CSMD1: variants seen among roughly 807,000 people sequenced by gnomAD.
The protein encoded by CSMD1 is CUB and sushi domain-containing protein 1.
Under a neutral mutation model 417.5 loss-of-function variants are expected in CSMD1, and 213 were observed. The observed-to-expected ratio is 0.51, with a 90% CI of 0.46 to 0.57. The LOEUF (loss-of-function observed/expected upper bound fraction) is 0.57, where lower values mean the gene tolerates loss of function less well. Among genes scored for constraint, CSMD1 ranks in the 20% least tolerant of loss-of-function variants. The pLI, the probability that CSMD1 is intolerant of heterozygous loss-of-function variation, is 0.00. For synonymous variants in CSMD1, 2,862 were observed against 1,736.8 expected (o/e 1.65, Z -16.11); for missense variants, 6,923 against 4,529.7 (o/e 1.53, Z -15.17).
chr8:4,255,145 G>C (rs548171751), intron 3 of CSMD1, among the ~76,000 whole-genome samples: 15 of 152,282 alleles, frequency 9.9e-5, no homozygotes, highest in African/African-American at 3.4e-4. Flanking sequence ...AGCATTAAAA[G>C]AGATGATACA....
intron 4 of CSMD1, among the ~76,000 whole-genome samples, chr8:4,005,794 T>G (rs1816064415): frequency 6.6e-6 from 1 of 152,202 alleles, no homozygotes; most frequent in Admixed American, 6.5e-5. Flanking sequence ...AGTGTCAGAA[T>G]CTCATTTGCA....
chr8:4,295,437 TATATAATCTTATTATACAC>T (rs1473672058), intron 3 of CSMD1, among the ~76,000 whole-genome samples: 56 of 144,204 alleles, frequency 3.9e-4, no homozygotes, highest in Admixed American at 5.6e-4. Context: ...TCTTAAGATA[TATATAATCTTATTATACAC>T]ATATAATCTT....
rs796462110 is a variant in CSMD1, at chr8:3,729,956, AAAAAAC to A, written c.932-21471_932-21466del. ...AAAAAAAAAAAAAAAAAAAAAAAAA[AAAAAAC>A]AAAAACAGAAGAACGGATACATAAT... On this transcript the variant is annotated intron_variant, in intron 6 of 69. Coordinates refer to ENST00000635120, the MANE Select transcript of CSMD1 (RefSeq NM_033225.6). Among the ~76,000 whole-genome samples, 6 of 12,112 alleles carry A rather than the reference AAAAAAC, an allele frequency of 5.0e-4. 1 individual carries two copies. The highest frequency in any genetic ancestry group is 8.2e-4 in the African/African-American group (6 of 7,356). 7.9% of individuals were successfully genotyped at this position (12,112 alleles called of 152,430 possible). A position where few individuals can be genotyped will look rare whatever the true frequency, so the allele number is the denominator to read the frequency against.
intron 4 of CSMD1, among the ~76,000 whole-genome samples, chr8:4,031,482 C>G (rs1006712613): frequency 1.3e-5 from 2 of 152,118 alleles, no homozygotes; most frequent in Non-Finnish European, 2.9e-5. Flanking sequence ...AACACTTACC[C>G]CCATGATTCA....
rs572320610 is a variant in CSMD1 at position 4,361,769 on chromosome 8, C to A, written c.415+58184G>T. On this transcript the variant is annotated intron_variant, in intron 3 of 69. Coordinates refer to ENST00000635120, the MANE Select transcript of CSMD1 (RefSeq NM_033225.6). Reference sequence around the variant, plus strand: ...AGGAGATCGAGACCATCCTGGCTAACACGGTGAAACCCCATCTCTACTAAA... The same window carrying A: ...AGGAGATCGAGACCATCCTGGCTAAAACGGTGAAACCCCATCTCTACTAAA... 1.3e-5 allele frequency among the ~76,000 whole-genome samples: 2 copies of A among 152,218 alleles called. 1 individual carries two copies. The highest frequency in any genetic ancestry group is 4.2e-4 in the South Asian group (2 of 4,810).
At position 4,386,865 on chromosome 8, in the gene CSMD1, T is replaced by A. The variant is rs115770943; in HGVS notation, c.415+33088A>T. Among the ~76,000 whole-genome samples the A allele has an allele frequency of 3.6e-3, 542 of 152,366 alleles. 3 individuals carry two copies. The highest frequency in any genetic ancestry group is 0.012 in the African/African-American group (508 of 41,586). ...ACCACAGCAGCAAATGTTGAATCCC[T>A]CGTGGATGACTGAAAAAGGTATAGT... On this transcript the variant is annotated intron_variant, in intron 3 of 69. Transcript: ENST00000635120.
chr8:4,367,777 T>C (rs755071011), intron 3 of CSMD1, among the ~76,000 whole-genome samples: 1 of 152,180 alleles, frequency 6.6e-6, no homozygotes, highest in Non-Finnish European at 1.5e-5. Context: ...ATATTTTTCA[T>C]TGTTGGTAAG....
chr8:3,865,299 A>G (rs1258156923), intron 5 of CSMD1, among the ~76,000 whole-genome samples: 5 of 152,204 alleles, frequency 3.3e-5, no homozygotes, highest in African/African-American at 7.2e-5. Flanking sequence ...CGGTACTTCA[A>G]TGTGACATAC....
intron 3 of CSMD1, among the ~76,000 whole-genome samples, chr8:4,334,374 G>A (rs185198165): frequency 2.0e-5 from 3 of 152,248 alleles, no homozygotes; most frequent in African/African-American, 7.2e-5. Context: ...CCCTTAGGTG[G>A]TGGGCTTCAT....
At chr8:3,390,375 A>T (rs975479813) in intron 17 of CSMD1, among the ~76,000 whole-genome samples, 1 of 151,458 alleles carries the variant, frequency 6.6e-6, no homozygotes, top group African/African-American at 2.4e-5. Flanking sequence ...AAAAAAAAAA[A>T]AAAAGGAATT....
chr8:3,767,188 T>C (rs182421339), intron 5 of CSMD1, among the ~76,000 whole-genome samples: 2 of 152,350 alleles, frequency 1.3e-5, no homozygotes, highest in African/African-American at 4.8e-5. Flanking sequence ...GCTGCCATCG[T>C]AGAAAGCAAG....
At chr8:4,913,004 G>C (rs147797693) in intron 1 of CSMD1, among the ~76,000 whole-genome samples, 3,896 of 152,180 alleles carry the variant, frequency 0.026, 167 homozygotes, top group African/African-American at 0.089. Context: ...GGCCAGGATA[G>C]TCTCGAACTC....
At chr8:2,942,718 T>C in intron 68 of CSMD1, 114 bp from the exon 69 acceptor site, 1 of 741,992 alleles carries the variant, frequency 1.3e-6, no homozygotes, top group Non-Finnish European at 2.0e-6. Flanking sequence ...GGAGTTGCCA[T>C]TTCACAGGAA....
intron 3 of CSMD1, among the ~76,000 whole-genome samples, chr8:4,244,226 C>T (rs529154485): frequency 2.0e-5 from 3 of 152,256 alleles, no homozygotes; most frequent in South Asian, 2.1e-4. Flanking sequence ...GCAACAGTAA[C>T]AGCTAGGCTT....
intron 51 of CSMD1, among the ~76,000 whole-genome samples, chr8:3,026,387 T>G (rs1463213618): frequency 6.6e-6 from 1 of 152,024 alleles, no homozygotes; most frequent in Admixed American, 6.6e-5. Context: ...TCACTGGACC[T>G]CACTCGGCCT....
intron 3 of CSMD1, among the ~76,000 whole-genome samples, chr8:4,183,291 T>A (rs547240166): frequency 6.6e-6 from 1 of 152,308 alleles, no homozygotes; most frequent in African/African-American, 2.4e-5. Context: ...ATATTTACAC[T>A]ACAGAATCAG....
Position 2,998,175 on chromosome 8 carries a change from C to CA in CSMD1, c.8212dup (p.Cys2738LeufsTer13). 6.2e-7 allele frequency: 1 copy of CA among 1,613,902 alleles called. No homozygotes were observed. Among genetic ancestry groups the CA allele is most frequent in the South Asian group, 1.1e-5 (1 of 91,082 alleles). The stretch of plus-strand genomic sequence containing the variant: ...GTGGGCAGGGTTTCCAGGGTGACCA[C>CA]ATGTGATGGCTGTAGAGAGACAGGT... On this transcript the variant is annotated frameshift_variant, in exon 54 of 70. Coordinates refer to ENST00000635120, the MANE Select transcript of CSMD1 (RefSeq NM_033225.6). LOFTEE classifies it high-confidence loss of function.
At chr8:3,206,074 T>C (rs1457151631) in intron 30 of CSMD1, among the ~76,000 whole-genome samples, 2 of 152,200 alleles carry the variant, frequency 1.3e-5, no homozygotes, top group South Asian at 2.1e-4. Flanking sequence ...GGGATTTTCT[T>C]TGTTTTAACG....
chr8:3,458,941 C>T (rs530045041), intron 12 of CSMD1, among the ~76,000 whole-genome samples: 1 of 152,304 alleles, frequency 6.6e-6, no homozygotes, highest in East Asian at 1.9e-4. Flanking sequence ...AAGGAATTTC[C>T]ATCCCAGTGA....
Sources: allele counts gnomAD v4.1 joint callset (sites outside exome capture counted in the v4.1 genomes callset), GRCh38; gene constraint gnomAD v4.1.1; transcripts MANE v1.5; gene names NCBI Gene and HGNC (gene_info 2026-07-23, HGNC 2026-07-21).